The following TNMD variants were observed in gnomAD, a reference collection of about 807,000 sequenced individuals.
The protein encoded by TNMD is tenomodulin, also known as BRICHOS domain containing 4.
Under a neutral mutation model 26.9 loss-of-function variants are expected in TNMD, and 15 were observed. The ratio of observed to expected loss-of-function variants is 0.56; its 90% CI spans 0.37 to 0.86. TNMD has a LOEUF of 0.86. TNMD is among the 40% of genes least tolerant of loss of function. TNMD has a pLI of 0.00. For synonymous variants in TNMD, 73 were observed against 77.0 expected (o/e 0.95, Z 0.27); for missense variants, 222 against 242.6 (o/e 0.92, Z 0.56).
At chrX:100,595,761 C>T (rs2082951205) in intron 4 of TNMD, among the ~76,000 whole-genome samples, 2 of 111,195 alleles carry the variant, frequency 1.8e-5, no homozygotes, top group Admixed American at 1.9e-4. Flanking sequence ...TGATGCTCTG[C>T]TCCCAAGGTC....
chrX:100,590,828 C>T (rs1205407790), intron 2 of TNMD, among the ~76,000 whole-genome samples: 1 of 111,823 alleles, frequency 8.9e-6, no homozygotes, highest in Non-Finnish European at 1.9e-5. Context: ...GCCACTGTGC[C>T]TATTAGATTG....
chrX:100,593,960 TC>T lies in TNMD; in HGVS notation c.248del (p.Pro83LeufsTer2). On this transcript the variant is annotated frameshift_variant, in exon 3 of 7. Transcript: ENST00000373031. LOFTEE classifies it high-confidence loss of function. ...EKKKIYMEID[P>X]VTRTEIFRSG... ...AGAAGAAGATTTACATGGAAATTGATCCTGTGACCAGAACTGAAATATTCAG... is the reference window on the plus strand; with the variant it reads ...AGAAGAAGATTTACATGGAAATTGATCTGTGACCAGAACTGAAATATTCAG... The T allele has an allele frequency of 8.3e-7, 1 of 1,210,140 alleles. No individual in the cohort carries two copies. Among genetic ancestry groups the T allele is most frequent in the Non-Finnish European group, 1.1e-6 (1 of 894,262 alleles).
At chrX:100,593,431 G>T (rs1260093971) in intron 2 of TNMD, 1 of 699,416 alleles carries the variant, frequency 1.4e-6, no homozygotes, top group Non-Finnish European at 1.7e-6. Context: ...CAAGGAGAAA[G>T]TCTTCAGATT....
rs940973547 is a variant in TNMD, at chrX:100,592,360, T to C, written c.181-1535T>C. On this transcript the variant is annotated intron_variant, in intron 2 of 6. Coordinates refer to ENST00000373031, the MANE Select transcript of TNMD (RefSeq NM_022144.3). ...AACAAACCTAAAGGAATTTGCTACCTATCACAAACCAGGCCAGACTTCCTG... is the reference window on the plus strand; with the variant it reads ...AACAAACCTAAAGGAATTTGCTACCCATCACAAACCAGGCCAGACTTCCTG... Among the ~76,000 whole-genome samples, 3 of 112,419 alleles carry C rather than the reference T, an allele frequency of 2.7e-5. No individual in the cohort carries two copies. In the East Asian group the frequency reaches 8.3e-4, roughly 31 times the overall value.
At position 100,585,296 on chromosome X, in the gene TNMD, C is replaced by A; in HGVS notation, c.114C>A (p.Ile38=). ...SLKICGLVFG[I]LALTLIVLFW... ...AGATTTGTGGACTGGTGTTTGGTAT[C>A]CTGGCCCTAACTCTAATTGTCCTGT... The change falls in exon 2 of 7, where the codon ATC becomes ATA. Residue 38 remains isoleucine (I), a synonymous_variant. Transcript: ENST00000373031. 2 of 1,210,344 alleles carry A rather than the reference C, an allele frequency of 1.7e-6. No individual in the cohort carries two copies. The highest frequency in any genetic ancestry group is 2.2e-6 in the Non-Finnish European group (2 of 894,583).
chrX:100,585,124 A>T (rs2082918299), intron 1 of TNMD, 58 bp downstream of exon 1: 2 of 1,182,056 alleles, frequency 1.7e-6, no homozygotes, highest in African/African-American at 3.5e-5. Flanking sequence ...CAGATTTATC[A>T]TATTGCAAAG....
chrX:100,587,727 C>T (rs916611825), intron 2 of TNMD, among the ~76,000 whole-genome samples: 7 of 111,898 alleles, frequency 6.3e-5, no homozygotes, highest in Admixed American at 1.9e-4. Context: ...CCAATGGGTA[C>T]GCCTATCAAC....
At position 100,595,728 on chromosome X, in the gene TNMD, A is replaced by G. The variant is rs138229965; in HGVS notation, c.423+1366A>G. Among the ~76,000 whole-genome samples, 809 of 111,025 alleles carry G rather than the reference A, an allele frequency of 7.3e-3. 5 individuals are homozygous for G. The highest frequency in any genetic ancestry group is 0.025 in the African/African-American group (766 of 30,425). ...CCCTTGTTACTAGAATTTGCAAGAA[A>G]AAAAAGAACGTTCTCCCAAAGATGA... On this transcript the variant is annotated intron_variant, in intron 4 of 6. Transcript: ENST00000373031.
At chrX:100,596,160 TAAAAC>T (rs1296159228) in intron 4 of TNMD, among the ~76,000 whole-genome samples, 1 of 111,439 alleles carries the variant, frequency 9.0e-6, no homozygotes, top group Non-Finnish European at 1.9e-5. Flanking sequence ...CCATCTCTAC[TAAAAC>T]AAAACAAAAC....
In TNMD at chrX:100,599,780, T is replaced by C; in HGVS notation, c.*63T>C. On this transcript the variant is annotated 3_prime_UTR_variant, in exon 7 of 7. Coordinates refer to ENST00000373031, the MANE Select transcript of TNMD (RefSeq NM_022144.3). ...CATATAATAAATGCATGCTATTCAA[T>C]GAATTTCTGCCTATGAGGCATCTGG... is the stretch of plus-strand genomic sequence containing the variant. 2.8e-6 allele frequency: 3 copies of C among 1,069,350 alleles called. No individual in the cohort carries two copies. The highest frequency in any genetic ancestry group is 3.8e-6 in the Non-Finnish European group (3 of 781,352). The allele number at this position is 1,069,350 out of a possible 1,213,427, so 88.1% of individuals were successfully genotyped here.
intron 2 of TNMD, among the ~76,000 whole-genome samples, chrX:100,588,680 T>A (rs1326647205): frequency 8.9e-6 from 1 of 112,044 alleles, no homozygotes; most frequent in Non-Finnish European, 1.9e-5. Flanking sequence ...AGCTAATTAA[T>A]CCAACATGAA....
chrX:100,587,859 T>C (rs2082926206), intron 2 of TNMD, among the ~76,000 whole-genome samples: 1 of 111,750 alleles, frequency 8.9e-6, no homozygotes, highest in South Asian at 3.8e-4. Context: ...CTCCCCTTAA[T>C]GGTATGGCCT....
At chrX:100,596,061 C>T (rs1261247996) in intron 4 of TNMD, among the ~76,000 whole-genome samples, 1 of 112,601 alleles carries the variant, frequency 8.9e-6, no homozygotes, top group Non-Finnish European at 1.9e-5. Context: ...CGGTGGCTCA[C>T]GCCTATAATC....
chrX:100,589,805 A>T (rs766409862), intron 2 of TNMD, among the ~76,000 whole-genome samples: 11 of 111,542 alleles, frequency 9.9e-5, no homozygotes, highest in Admixed American at 2.8e-4. Context: ...ATAGGAACTG[A>T]GTCCCTAGAG....
At position 100,599,263 on chromosome X, in the gene TNMD, A is replaced by G. The variant is rs1188375545; in HGVS notation, c.744+81A>G. ...ACTTACTACCCCTCAGATCACAATC[A>G]TTGGAAGGAGAACGATCATGGCTTT... On this transcript the variant is annotated intron_variant, in intron 6 of 6. Coordinates refer to ENST00000373031, the MANE Select transcript of TNMD (RefSeq NM_022144.3). 5.6e-4 allele frequency: 490 copies of G among 869,596 alleles called. 7 individuals are homozygous for G. Among genetic ancestry groups the G allele is most frequent in the Non-Finnish European group, 2.7e-5 (17 of 637,651 alleles). The allele number at this position is 869,596 out of a possible 1,213,427, so 71.7% of individuals were successfully genotyped here. A position where few individuals can be genotyped will look rare whatever the true frequency, so the allele number is the denominator to read the frequency against.
Position 100,599,027 on chromosome X carries a change from C to G in TNMD, c.589C>G (p.Gln197Glu), listed in dbSNP as rs1353786968. 3.4e-6 allele frequency: 4 copies of G among 1,193,384 alleles called. No individual in the cohort carries two copies. The African/African-American group carries it at 7.1e-5, about 21-fold the overall frequency. ...ATTTATTATCTTAGTTTCTGAGTTA[C>G]AAGACTTTGAGGAGGAGGGAGAAGA... is the stretch of plus-strand genomic sequence containing the variant. ...NPTLISVSEL[Q>E]DFEEEGEDLH... The change falls in exon 6 of 7, where the codon CAA becomes GAA. Residue 197 changes from glutamine (Q) to glutamate (E), a missense_variant. Transcript: ENST00000373031.
chrX:100,596,432 T>C (rs1311419992), intron 4 of TNMD, among the ~76,000 whole-genome samples: 1 of 112,238 alleles, frequency 8.9e-6, no homozygotes, highest in Non-Finnish European at 1.9e-5. Flanking sequence ...ATATTTTAAA[T>C]AACGCAAATT....
At position 100,599,583 on chromosome X, in the gene TNMD, C is replaced by A; in HGVS notation, c.820C>A (p.Arg274Ser). Reference protein sequence around the residue: ...YCCIYCRRGNRYCRRVCEPLL... With the variant: ...YCCIYCRRGNSYCRRVCEPLL... ...TTGTATTTACTGCCGTCGAGGCAAC[C>A]GCTATTGCCGCCGCGTCTGTGAACC... Residue 274 changes from arginine to serine, a missense_variant, in exon 7 of 7, where the codon CGC (arginine) becomes AGC (serine). Transcript: ENST00000373031. 2.5e-6 allele frequency: 3 copies of A among 1,210,469 alleles called. No individual in the cohort carries two copies. Among genetic ancestry groups the A allele is most frequent in the Non-Finnish European group, 3.4e-6 (3 of 894,865 alleles).
chrX:100,589,971 C>G (rs777690001), intron 2 of TNMD, among the ~76,000 whole-genome samples: 8 of 111,458 alleles, frequency 7.2e-5, no homozygotes, highest in Non-Finnish European at 1.3e-4. Context: ...CTGGTCAGCT[C>G]AAGTCTGTAG....
Sources: gnomAD v4.1 joint callset for allele counts (sites outside exome capture counted in the v4.1 genomes callset) on GRCh38, gnomAD v4.1.1 for gene constraint, MANE v1.5 for transcripts, NCBI Gene and HGNC (gene_info 2026-07-23, HGNC 2026-07-21) for gene names.